ANKRD18B: variants seen among roughly 807,000 people sequenced by gnomAD.
ANKRD18B encodes the protein ankyrin repeat domain 18B.
Under a neutral mutation model 111.8 loss-of-function variants are expected in ANKRD18B, and 75 were observed. The observed-to-expected ratio is 0.67, with a 90% CI of 0.56 to 0.81. ANKRD18B has a LOEUF of 0.81. ANKRD18B is among the 40% of genes least tolerant of loss of function. ANKRD18B has a pLI of 0.00. For missense variants in ANKRD18B, 1,038 were observed against 1,225.5 expected, an observed-to-expected ratio of 0.85 and a Z score of 2.28; for synonymous variants, 356 against 417.3, an observed-to-expected ratio of 0.85 and a Z score of 1.79.
Position 33,534,361 on chromosome 9 carries a change from T to C in ANKRD18B, c.603-9T>C, listed in dbSNP as rs148894577. The C allele has an allele frequency of 5.2e-4, 791 of 1,523,854 alleles. 4 individuals carry two copies. In the African/African-American group the frequency reaches 0.01, roughly 19 times the overall value. 94.4% of individuals were successfully genotyped at this position (1,523,854 alleles called of 1,614,324 possible). A position where few individuals can be genotyped will look rare whatever the true frequency, so the allele number is the denominator to read the frequency against. On this transcript the variant is annotated splice_polypyrimidine_tract_variant and intron_variant, in intron 4 of 18. Coordinates refer to ENST00000684830, the MANE Select transcript of ANKRD18B (RefSeq NM_001393611.1). ...GTTCTTGAGTGCTGTTATTTCTTTATTGTTTTAGAACAGCCCTCATACTTG... is the reference window on the plus strand; with the variant it reads ...GTTCTTGAGTGCTGTTATTTCTTTACTGTTTTAGAACAGCCCTCATACTTG...
Position 33,556,035 on chromosome 9 carries a change from A to T in ANKRD18B, c.2330+215A>T, listed in dbSNP as rs529161717. On this transcript the variant is annotated intron_variant, in intron 13 of 18. Coordinates refer to ENST00000684830, the MANE Select transcript of ANKRD18B (RefSeq NM_001393611.1). ...CTTGGACTTTTTTGTTGGAATTATT[A>T]AAAAAATCAAATTTCAGTATAAAAA... 7.8e-4 allele frequency among the ~76,000 whole-genome samples: 119 copies of T among 152,184 alleles called. 2 individuals carry two copies. The East Asian group carries it at 0.014, about 18-fold the overall frequency.
chr9:33,525,658 T>C (rs1000864434), intron 1 of ANKRD18B, among the ~76,000 whole-genome samples: 4 of 151,818 alleles, frequency 2.6e-5, no homozygotes, highest in Admixed American at 6.6e-5. Flanking sequence ...ATTCTGAAGG[T>C]TGATTTAGCA....
At chr9:33,574,883 CTT>C (rs1279964579), downstream of ANKRD18B, among the ~76,000 whole-genome samples, 6 of 152,312 alleles carry the variant, frequency 3.9e-5, no homozygotes, top group South Asian at 1.0e-3. Context: ...CGATGTCACT[CTT>C]GCTGAGTCCC....
At chr9:33,532,138 G>A (rs1179808741) in intron 3 of ANKRD18B, among the ~76,000 whole-genome samples, 2 of 152,060 alleles carry the variant, frequency 1.3e-5, no homozygotes, top group Non-Finnish European at 2.9e-5. Context: ...GGAGGCTGAG[G>A]CAGGAGAATG....
In ANKRD18B at chr9:33,550,491, A is replaced by G; in HGVS notation, c.2129A>G (p.Glu710Gly). 1 of 1,548,712 alleles carries G rather than the reference A, an allele frequency of 6.5e-7. No individual in the cohort carries two copies. ...VDHLKKFSMS[E>G]SPLEGTSHCH... ...CATCTTAAAAAATTTTCAATGTCAG[A>G]GTCTCCACTGGAAGGTACATCACAT... The change falls in exon 12 of 19, where the codon GAG becomes GGG. Residue 710 changes from glutamate to glycine, a missense_variant. Glu to Gly is a moderately conservative substitution (Grantham distance 98). Around this residue, in one of 4 missense-constraint regions of ANKRD18B, gnomAD observed 524 missense variants for 677.9 expected, o/e 0.77. Coordinates refer to ENST00000684830, the MANE Select transcript of ANKRD18B (RefSeq NM_001393611.1).
At chr9:33,533,767 TG>T in intron 4 of ANKRD18B, 2 of 929,904 alleles carry the variant, frequency 2.2e-6, no homozygotes, top group Non-Finnish European at 2.8e-6. Flanking sequence ...GACTGTTATT[TG>T]TAATTTGATG....
Position 33,571,295 on chromosome 9 carries a change from T to C in ANKRD18B, c.3223+4T>C, listed in dbSNP as rs1828772734. 17 of 1,164,552 alleles carry C rather than the reference T, an allele frequency of 1.5e-5. No homozygotes were observed. The highest frequency in any genetic ancestry group is 1.9e-5 in the Non-Finnish European group (17 of 918,030). 72.1% of individuals were successfully genotyped at this position (1,164,552 alleles called of 1,614,324 possible). On this transcript the variant is annotated splice_donor_region_variant and intron_variant, in intron 18 of 18. Transcript: ENST00000684830. ...ATAATTACAGAAACAAAGAAAAGTA[T>C]GTTGCCAAAATGTATTAATTAAATT...
At chr9:33,537,427 G>C (rs1341805440) in intron 6 of ANKRD18B, among the ~76,000 whole-genome samples, 2 of 151,974 alleles carry the variant, frequency 1.3e-5, no homozygotes, top group Non-Finnish European at 2.9e-5. Flanking sequence ...AGAAGTTGTA[G>C]CTAATTCTCA....
intron 5 of ANKRD18B, among the ~76,000 whole-genome samples, chr9:33,536,126 C>A (rs1828197084): frequency 6.6e-6 from 1 of 152,036 alleles, no homozygotes; most frequent in African/African-American, 2.4e-5. Flanking sequence ...GTTGTCCCAG[C>A]CAGGTTTTGA....
chr9:33,524,788 T>C (rs1244712234), intron 1 of ANKRD18B, 93 bp downstream of exon 1: 19 of 1,430,142 alleles, frequency 1.3e-5, no homozygotes, highest in Non-Finnish European at 1.7e-5. Flanking sequence ...GCCGGGACCC[T>C]GGGAGCCGCG....
At chr9:33,547,904 A>T in intron 10 of ANKRD18B, 34 bp from the exon 11 acceptor site, 1 of 1,304,226 alleles carries the variant, frequency 7.7e-7, no homozygotes, top group Non-Finnish European at 1.0e-6. Flanking sequence ...GATTATTTTG[A>T]GTGCTAACTA....
At chr9:33,573,260 C>T (rs1331045788), downstream of ANKRD18B, 48 of 985,208 alleles carry the variant, frequency 4.9e-5, no homozygotes, top group African/African-American at 5.2e-5. Context: ...TAGTCCCCAA[C>T]AGAAGAACCA....
At chr9:33,526,347 A>G (rs1828025766) in intron 1 of ANKRD18B, among the ~76,000 whole-genome samples, 1 of 152,306 alleles carries the variant, frequency 6.6e-6, no homozygotes, top group South Asian at 2.1e-4. Flanking sequence ...ATAGGTGGAG[A>G]AGTATGTTGA....
chr9:33,561,303 T>C (rs1346451327), intron 14 of ANKRD18B, among the ~76,000 whole-genome samples: 1 of 152,254 alleles, frequency 6.6e-6, no homozygotes, highest in Non-Finnish European at 1.5e-5. Flanking sequence ...ATTAAGCATC[T>C]ATTAATGTGC....
In ANKRD18B at chr9:33,558,321, G is replaced by T. The variant is rs1183188448; in HGVS notation, c.2460+134G>T. 6 of 1,004,094 alleles carry T rather than the reference G, an allele frequency of 6.0e-6. No homozygotes were observed. The African/African-American group carries it at 6.7e-5, about 11-fold the overall frequency. The allele number at this position is 1,004,094 out of a possible 1,614,324, so 62.2% of individuals were successfully genotyped here. A position where few individuals can be genotyped will look rare whatever the true frequency, so the allele number is the denominator to read the frequency against. On this transcript the variant is annotated intron_variant, in intron 14 of 18. Transcript: ENST00000684830. ...ATCCATCACCTAGGTATTAAGCCCC[G>T]TAGGCATTAGCTATTAATCTTGATG...
chr9:33,566,024 T>C (rs1448231709), intron 14 of ANKRD18B, among the ~76,000 whole-genome samples, 195 bp from the exon 15 acceptor site: 2 of 152,216 alleles, frequency 1.3e-5, no homozygotes, highest in Admixed American at 1.3e-4. Context: ...CAGTAAAGCA[T>C]ATTTTTGTGA....
rs999169339 is a variant in ANKRD18B at position 33,572,859 on chromosome 9, G to T, written c.*425G>T. ...TACTTTGAAGCTCTGTAAATATCTG[G>T]TTACTCCTCAAAACCCACTAGATTT... On this transcript the variant is annotated 3_prime_UTR_variant, in exon 19 of 19. Coordinates refer to ENST00000684830, the MANE Select transcript of ANKRD18B (RefSeq NM_001393611.1). 3.7e-6 allele frequency: 2 copies of T among 536,448 alleles called. No individual in the cohort carries two copies. The highest frequency in any genetic ancestry group is 4.1e-5 in the African/African-American group (2 of 48,888). The allele number at this position is 536,448 out of a possible 1,614,324, so 33.2% of individuals were successfully genotyped here.
intron 3 of ANKRD18B, among the ~76,000 whole-genome samples, chr9:33,532,575 T>C (rs1828133458): frequency 6.6e-6 from 1 of 152,218 alleles, no homozygotes; most frequent in East Asian, 1.9e-4. Context: ...GATAAAAATC[T>C]ATCCTCTTGC....
intron 8 of ANKRD18B, among the ~76,000 whole-genome samples, chr9:33,540,827 C>T (rs1268678252): frequency 1.3e-5 from 2 of 152,110 alleles, no homozygotes; most frequent in Admixed American, 6.6e-5. Flanking sequence ...AGTGAATAGG[C>T]ATGACTGTAC....
Sources: gnomAD v4.1 joint callset for allele counts (sites outside exome capture counted in the v4.1 genomes callset) on GRCh38, gnomAD v4.1.1 for gene constraint, gnomAD v4.1.1 regional missense constraint, MANE v1.5 for transcripts, NCBI Gene and HGNC (gene_info 2026-07-23, HGNC 2026-07-21) for gene names.